The following CSMD2 variants were observed in gnomAD, a reference collection of about 807,000 sequenced individuals.
The protein encoded by CSMD2 is CUB and Sushi multiple domains 2.
Under a neutral mutation model 398.5 loss-of-function variants are expected in CSMD2, and 130 were observed. The observed-to-expected ratio is 0.33, with a 90% CI of 0.28 to 0.38. CSMD2 has a LOEUF of 0.38. CSMD2 is among the 10% of genes least tolerant of loss of function. The pLI is 1.00. For missense variants in CSMD2, 3,829 were observed against 4,764.9 expected, an observed-to-expected ratio of 0.80 and a Z score of 5.78; for synonymous variants, 1,828 against 1,908.5, an observed-to-expected ratio of 0.96 and a Z score of 1.10.
At chr1:33,614,332 T>C (rs1641244325) in intron 40 of CSMD2, among the ~76,000 whole-genome samples, 172 bp downstream of exon 40, 1 of 152,168 alleles carries the variant, frequency 6.6e-6, no homozygotes, top group African/African-American at 2.4e-5. Flanking sequence ...ATCTCTGCCA[T>C]TCTTAATTGG....
At chr1:33,763,573 C>T (rs189799339) in intron 13 of CSMD2, among the ~76,000 whole-genome samples, 2 of 152,334 alleles carry the variant, frequency 1.3e-5, no homozygotes, top group East Asian at 3.9e-4. Flanking sequence ...GTGACTCACA[C>T]TGGCCTGGCA....
rs575733920 is a variant in CSMD2 at position 33,823,612 on chromosome 1, T to TGG, written c.1111+2084_1111+2085insCC. Among the ~76,000 whole-genome samples, 1,074 of 152,180 alleles carry TGG rather than the reference T, an allele frequency of 7.1e-3. 6 individuals are homozygous for TGG. Among genetic ancestry groups the TGG allele is most frequent in the African/African-American group, 0.024 (1,008 of 41,532 alleles). On this transcript the variant is annotated intron_variant, in intron 7 of 70. Coordinates refer to ENST00000373381, the MANE Select transcript of CSMD2 (RefSeq NM_001281956.2). ...TCACAGGTGGGTGGGTGGTCAGAAC[T>TGG]GATGGCAAGGTAGAGAGTTGGGTCC...
At position 33,784,013 on chromosome 1, in the gene CSMD2, T is replaced by G. The variant is rs186381691; in HGVS notation, c.1663+4587A>C. 6.5e-4 allele frequency among the ~76,000 whole-genome samples: 99 copies of G among 152,164 alleles called. 1 individual carries two copies. The highest frequency in any genetic ancestry group is 2.1e-3 in the African/African-American group (89 of 41,534). On this transcript the variant is annotated intron_variant, in intron 12 of 70. Coordinates refer to ENST00000373381, the MANE Select transcript of CSMD2 (RefSeq NM_001281956.2). ...GACTCCCTATCCCAGGGCATTTTGT[T>G]GTCAGCAGACTATACAGGTGGGTGG...
chr1:33,826,118 AGCGTCGACGTGT>A (rs1481202736), intron 6 of CSMD2, among the ~76,000 whole-genome samples: 7 of 152,218 alleles, frequency 4.6e-5, no homozygotes, highest in Admixed American at 4.6e-4. Context: ...ACTTTTCATG[AGCGTCGACGTGT>A]GCAGCCTTGC....
chr1:33,565,705 G>A (rs1355554087), intron 53 of CSMD2, among the ~76,000 whole-genome samples: 1 of 152,078 alleles, frequency 6.6e-6, no homozygotes, highest in Non-Finnish European at 1.5e-5. Context: ...AACAAAACAT[G>A]TGAAGCGTAA....
chr1:33,642,133 G>A (rs913064023), intron 29 of CSMD2, among the ~76,000 whole-genome samples: 1 of 152,006 alleles, frequency 6.6e-6, no homozygotes, highest in Non-Finnish European at 1.5e-5. Context: ...GATCACTGGA[G>A]GTCAGGAGTT....
intron 27 of CSMD2, 91 bp downstream of exon 27, chr1:33,657,855 A>G: frequency 7.9e-7 from 1 of 1,272,216 alleles, no homozygotes. Context: ...TCTTGGCCCC[A>G]GGCCCAAGAT....
At chr1:33,823,594 T>A (rs1658428391) in intron 7 of CSMD2, among the ~76,000 whole-genome samples, 1 of 151,798 alleles carries the variant, frequency 6.6e-6, no homozygotes, top group South Asian at 2.1e-4. Flanking sequence ...GAGTCACAGG[T>A]GGGTGGGTGG....
chr1:33,555,914 T>C (rs963015456), intron 55 of CSMD2, among the ~76,000 whole-genome samples: 3 of 152,118 alleles, frequency 2.0e-5, no homozygotes, highest in African/African-American at 4.8e-5. Flanking sequence ...TTAATATATA[T>C]ACCTATTAGT....
chr1:33,989,154 CTAA>C lies in CSMD2; in HGVS notation c.517+43437_517+43439del, dbSNP rs199662208. Reference sequence around the variant, plus strand: ...CATATATATGTAATCTTATAACTCACTAATAAGACAAATAATTCAATTTAAAAA... The same window carrying C: ...CATATATATGTAATCTTATAACTCACTAAGACAAATAATTCAATTTAAAAA... On this transcript the variant is annotated intron_variant, in intron 3 of 70. Transcript: ENST00000373381. 3.7e-3 allele frequency among the ~76,000 whole-genome samples: 552 copies of C among 149,268 alleles called. 20 individuals carry two copies. In the East Asian group the frequency reaches 0.065, roughly 18 times the overall value.
At chr1:33,658,224 C>G in intron 26 of CSMD2, 87 bp from the exon 27 acceptor site, 1 of 1,175,504 alleles carries the variant, frequency 8.5e-7, no homozygotes. Context: ...CACTGATTGC[C>G]ATCATCCGTG....
chr1:33,984,041 C>T (rs557827539), intron 3 of CSMD2, among the ~76,000 whole-genome samples: 1 of 152,256 alleles, frequency 6.6e-6, no homozygotes, highest in East Asian at 1.9e-4. Flanking sequence ...GTAGTCCCAG[C>T]TACTCGGGAG....
intron 3 of CSMD2, among the ~76,000 whole-genome samples, chr1:33,965,259 T>C (rs536983374): frequency 2.6e-5 from 4 of 152,194 alleles, no homozygotes; most frequent in Non-Finnish European, 4.4e-5. Flanking sequence ...GGGGAAGGCC[T>C]GATAAAGAGC....
chr1:33,876,241 T>C (rs1247320948), intron 5 of CSMD2, among the ~76,000 whole-genome samples: 1 of 152,092 alleles, frequency 6.6e-6, no homozygotes, highest in Non-Finnish European at 1.5e-5. Flanking sequence ...AGGGGAGAGT[T>C]TGTAATTACG....
chr1:33,950,798 A>G (rs1426962032), intron 3 of CSMD2, among the ~76,000 whole-genome samples: 1 of 152,216 alleles, frequency 6.6e-6, no homozygotes, highest in African/African-American at 2.4e-5. Flanking sequence ...GGTCATATGC[A>G]TAGAAGAAGC....
intron 2 of CSMD2, among the ~76,000 whole-genome samples, chr1:34,054,806 T>C (rs562968105): frequency 2.6e-5 from 4 of 152,236 alleles, no homozygotes; most frequent in Admixed American, 6.5e-5. Context: ...TTGTCTCTTA[T>C]CGTGTGAGCT....
chr1:33,780,492 A>G (rs1469754577), intron 12 of CSMD2, among the ~76,000 whole-genome samples: 3 of 152,208 alleles, frequency 2.0e-5, no homozygotes, highest in Admixed American at 2.0e-4. Flanking sequence ...TCCTTCCTCT[A>G]TAACACTGTC....
chr1:33,789,215 A>G (rs564116077), intron 11 of CSMD2, among the ~76,000 whole-genome samples: 3 of 152,246 alleles, frequency 2.0e-5, no homozygotes, highest in Admixed American at 6.5e-5. Flanking sequence ...ATTCCAGGAT[A>G]AGGAACAAGG....
chr1:33,669,975 G>C (rs1405354816), intron 25 of CSMD2, among the ~76,000 whole-genome samples: 1 of 152,146 alleles, frequency 6.6e-6, no homozygotes, highest in Non-Finnish European at 1.5e-5. Flanking sequence ...GAGGGATCTT[G>C]GCCCATTGAG....
Sources: gnomAD v4.1 joint callset for allele counts (sites outside exome capture counted in the v4.1 genomes callset) on GRCh38, gnomAD v4.1.1 for gene constraint, MANE v1.5 for transcripts, NCBI Gene and HGNC (gene_info 2026-07-23, HGNC 2026-07-21) for gene names.